NDE1: variants seen among roughly 807,000 people sequenced by gnomAD.
NDE1 encodes the protein nudE neurodevelopment protein 1.
NDE1 carries 28 observed loss-of-function variants against 43.4 expected under a neutral mutation model. The observed-to-expected ratio is 0.65, with a 90% CI of 0.48 to 0.89. NDE1 has a LOEUF of 0.89. NDE1 is among the 40% of genes least tolerant of loss of function. NDE1 has a pLI of 0.00. For missense variants in NDE1, 441 were observed against 434.1 expected (o/e 1.02, Z -0.14); for synonymous variants, 184 against 172.0 (o/e 1.07, Z -0.55).
intron 1 of NDE1, among the ~76,000 whole-genome samples, chr16:15,655,973 C>A (rs2036742875): frequency 9.2e-6 from 1 of 108,856 alleles, no homozygotes; most frequent in Non-Finnish European, 1.7e-5. Flanking sequence ...ACTCTGGGGA[C>A]TGTTGTGGGG....
intron 8 of NDE1, chr16:15,720,841 G>T: frequency 6.2e-7 from 1 of 1,613,466 alleles, no homozygotes; most frequent in Non-Finnish European, 8.5e-7. Context: ...GCACGCACCT[G>T]TCTCTGCAGT....
rs191590323 is a variant in NDE1, at chr16:15,709,204, G to T, written c.947+12344G>T. Among the ~76,000 whole-genome samples the T allele has an allele frequency of 3.3e-3, 506 of 152,146 alleles. 2 individuals are homozygous for T. The highest frequency in any genetic ancestry group is 5.3e-3 in the Non-Finnish European group (362 of 67,994). On this transcript the variant is annotated intron_variant, in intron 8 of 8. Transcript: ENST00000396354. ...GATCTTCCTGCCTTGGCCTCCCAAG[G>T]TGCTGGGATTTGGGATTACAGGCAT... is the stretch of plus-strand genomic sequence containing the variant.
chr16:15,698,534 A>G (rs746532857), intron 8 of NDE1, among the ~76,000 whole-genome samples: 9 of 152,206 alleles, frequency 5.9e-5, no homozygotes, highest in Non-Finnish European at 1.3e-4. Context: ...TTTCCATGGC[A>G]TGCACATAAC....
chr16:15,670,562 C>T (rs1003676284), intron 3 of NDE1, among the ~76,000 whole-genome samples: 3 of 151,210 alleles, frequency 2.0e-5, no homozygotes, highest in African/African-American at 7.3e-5. Flanking sequence ...GAGGCTGAGG[C>T]AGGAGAATCA....
At chr16:15,648,802 C>CT (rs989997093), upstream of NDE1, among the ~76,000 whole-genome samples, 205 of 152,238 alleles carry the variant, frequency 1.3e-3, no homozygotes, top group African/African-American at 4.6e-3. Flanking sequence ...GAGGGAAACT[C>CT]TGTCTCGAAA....
At chr16:15,684,198 TCCAGC>T (rs1186504396) in intron 4 of NDE1, 1 of 151,108 alleles carries the variant, frequency 6.6e-6, no homozygotes, top group African/African-American at 2.4e-5. Flanking sequence ...GCTGTTGCGC[TCCAGC>T]CTGGGCAACA....
intron 8 of NDE1, chr16:15,714,035 G>A (rs2039974477): frequency 6.6e-6 from 1 of 152,376 alleles, no homozygotes; most frequent in Non-Finnish European, 1.5e-5. Flanking sequence ...CCCGGTAGAA[G>A]CAGCAGGATC....
Position 15,691,298 on chromosome 16 carries a change from A to C in NDE1, c.678A>C (p.Leu226Phe), listed in dbSNP as rs910280510. 1 of 1,613,970 alleles carries C rather than the reference A, an allele frequency of 6.2e-7. No individual in the cohort carries two copies. The highest frequency in any genetic ancestry group is 8.5e-7 in the Non-Finnish European group (1 of 1,180,014). ...PIAHRGPSSS[L>F]NTPGSFRRGL... ...CTCACCGAGGACCCAGCTCAAGTTTAAACACACCTGGGAGCTTCAGACGTG... is the reference window on the plus strand; with the variant it reads ...CTCACCGAGGACCCAGCTCAAGTTTCAACACACCTGGGAGCTTCAGACGTG... The change falls in exon 6 of 9, where the codon TTA becomes TTC. Residue 226 changes from leucine to phenylalanine, a missense_variant. Coordinates refer to ENST00000396354, the MANE Select transcript of NDE1 (RefSeq NM_017668.3).
chr16:15,708,867 G>A lies in NDE1; in HGVS notation c.947+12007G>A, dbSNP rs1372007519. ...CTGAAACAGAGAGAGAATCCCCGGA[G>A]GTTACCATCAGCAAACAAGAAGGAG... On this transcript the variant is annotated intron_variant, in intron 8 of 8. Transcript: ENST00000396354. 1.9e-5 allele frequency: 30 copies of A among 1,607,000 alleles called. No homozygotes were observed. The Admixed American group carries it at 5.1e-4, about 27-fold the overall frequency.
At chr16:15,715,106 G>A in intron 8 of NDE1, 1 of 1,602,666 alleles carries the variant, frequency 6.2e-7, no homozygotes, top group Non-Finnish European at 8.5e-7. Flanking sequence ...TGGAGGGGTG[G>A]TTAGGGGAGG....
intron 7 of NDE1, among the ~76,000 whole-genome samples, chr16:15,696,355 GAC>G: frequency 6.6e-6 from 1 of 150,778 alleles, no homozygotes; most frequent in South Asian, 2.1e-4. Flanking sequence ...CAGCCTGGGT[GAC>G]ACAGCGTCTA....
intron 8 of NDE1, chr16:15,699,461 A>T: frequency 1.1e-6 from 1 of 917,824 alleles, no homozygotes. Context: ...ACAGGGTCTC[A>T]CTATGTTGCG....
upstream of NDE1, among the ~76,000 whole-genome samples, chr16:15,649,822 G>A (rs182468951): frequency 1.3e-5 from 2 of 152,212 alleles, no homozygotes. Flanking sequence ...GGAAGGGCAC[G>A]GGGCACTGCT....
intron 1 of NDE1, among the ~76,000 whole-genome samples, chr16:15,659,061 GGAAAGGATT>G (rs1201631680): frequency 6.6e-6 from 1 of 152,150 alleles, no homozygotes; most frequent in East Asian, 1.9e-4. Context: ...TCTGAATGAG[GGAAAGGATT>G]GAAAAAGTAG....
In NDE1 at chr16:15,719,489, G is replaced by T; in HGVS notation, c.948-4702G>T. The stretch of plus-strand genomic sequence containing the variant: ...TCTAGACAGGTGGACCCCAGAGGAG[G>T]ACGAAATGAAATCTGGGAATGCACA... On this transcript the variant is annotated intron_variant, in intron 8 of 8. Transcript: ENST00000396354. 1.3e-5 allele frequency: 21 copies of T among 1,585,148 alleles called. No individual in the cohort carries two copies. In the South Asian group the frequency reaches 2.2e-4, roughly 17 times the overall value.
At chr16:15,697,881 A>G (rs141804570) in intron 8 of NDE1, among the ~76,000 whole-genome samples, 4,082 of 149,984 alleles carry the variant, frequency 0.027, 184 homozygotes, top group African/African-American at 0.096. Context: ...ATCTCAGCTC[A>G]CTGCAACCTC....
intron 8 of NDE1, chr16:15,704,144 C>T (rs896977101): frequency 3.7e-6 from 6 of 1,613,268 alleles, no homozygotes; most frequent in Non-Finnish European, 5.1e-6. Flanking sequence ...TAAGAAAACA[C>T]ATTATTTAGC....
intron 1 of NDE1, among the ~76,000 whole-genome samples, chr16:15,655,071 T>C (rs557185517): frequency 5.9e-5 from 9 of 152,176 alleles, no homozygotes; most frequent in Non-Finnish European, 1.0e-4. Context: ...CAGGCTGGAG[T>C]GCAGTGGTAC....
At chr16:15,715,482 C>G (rs112572207) in intron 8 of NDE1, among the ~76,000 whole-genome samples, 191 of 152,282 alleles carry the variant, frequency 1.3e-3, no homozygotes, top group African/African-American at 4.3e-3. Flanking sequence ...GGAATTCTTG[C>G]CAAGTGAAAG....
Sources: gnomAD v4.1 joint callset for allele counts (sites outside exome capture counted in the v4.1 genomes callset) on GRCh38, gnomAD v4.1.1 for gene constraint, MANE v1.5 for transcripts, NCBI Gene and HGNC (gene_info 2026-07-23, HGNC 2026-07-21) for gene names.